MSANTD2: variants seen among roughly 807,000 people sequenced by gnomAD.
MSANTD2 encodes the protein myb/SANT-like DNA-binding domain-containing protein 2.
MSANTD2 carries 19 observed loss-of-function variants against 52.6 expected under a neutral mutation model. The ratio of observed to expected loss-of-function variants is 0.36; its 90% CI spans 0.25 to 0.53. The LOEUF (loss-of-function observed/expected upper bound fraction) is 0.53. Among genes scored for constraint, MSANTD2 ranks in the 20% least tolerant of loss-of-function variants. MSANTD2 has a pLI of 0.91. For synonymous variants in MSANTD2, 291 were observed against 289.7 expected, an observed-to-expected ratio of 1.00 and a Z score of -0.04; for missense variants, 558 against 716.3, an observed-to-expected ratio of 0.78 and a Z score of 2.52.
At chr11:124,789,875 A>T (rs1945274939) in intron 1 of MSANTD2, 1 of 152,362 alleles carries the variant, frequency 6.6e-6, no homozygotes, top group South Asian at 2.1e-4. Flanking sequence ...GCAATGGTAA[A>T]TATTAATAGC....
At position 124,779,762 on chromosome 11, in the gene MSANTD2, C is replaced by G. The variant is rs1447331100; in HGVS notation, c.511-4788G>C. On this transcript the variant is annotated intron_variant, in intron 1 of 3. Transcript: ENST00000374979. This position sits in a 1 kb window ranked among gnomAD's most constrained non-coding sequence, Gnocchi z 4.6. ...TTACATAGTTATCTTAATCCACTGC[C>G]AAGTACACATGATAAATTTGAGATT... Among the ~76,000 whole-genome samples, 2 of 152,158 alleles carry G rather than the reference C, an allele frequency of 1.3e-5. No homozygotes were observed. The highest frequency in any genetic ancestry group is 2.4e-5 in the African/African-American group (1 of 41,424).
chr11:124,800,307 G>T lies in MSANTD2; in HGVS notation c.74C>A (p.Pro25Gln). Residue 25 changes from proline (P) to glutamine (Q), a missense_variant, in exon 1 of 4, where the codon CCG becomes CAG. Physicochemically the swap from Pro to Gln is moderately conservative, Grantham distance 76. This residue lies in a region of MSANTD2 where 150 missense variants were observed against 142.7 expected (regional missense o/e 1.05). Coordinates refer to ENST00000374979, the MANE Select transcript of MSANTD2 (RefSeq NM_001308027.2). This position sits in a 1 kb window ranked among gnomAD's most constrained non-coding sequence, Gnocchi z 4.3. Reference protein sequence around the residue: ...LKIPKMEVLSPASPGGLSDGN... With the variant: ...LKIPKMEVLSQASPGGLSDGN... ...GTCGCTCAGGCCACCAGGAGAAGCC[G>T]GGGAAAGCACCTCCATCTTCGGAAT... The T allele has an allele frequency of 6.4e-7, 1 of 1,567,650 alleles. No homozygotes were observed.
At chr11:124,784,500 C>CA (rs1945094741) in intron 1 of MSANTD2, 8 of 983,822 alleles carry the variant, frequency 8.1e-6, no homozygotes, top group African/African-American at 5.3e-5. Context: ...CCCGCCACCT[C>CA]AAAAATCCGC....
At chr11:124,784,661 T>A in intron 1 of MSANTD2, 1 of 984,872 alleles carries the variant, frequency 1.0e-6, no homozygotes, top group East Asian at 1.1e-4. Context: ...ACCATGTGAT[T>A]CTCTCAGTTC....
chr11:124,772,868 T>A, intron 3 of MSANTD2, 126 bp downstream of exon 3: 3 of 666,298 alleles, frequency 4.5e-6, no homozygotes, highest in Admixed American at 2.7e-5. Context: ...ATCTAAAGAA[T>A]GAATAGACAT....
At chr11:124,789,118 T>C (rs1055225093) in intron 1 of MSANTD2, 1 of 152,138 alleles carries the variant, frequency 6.6e-6, no homozygotes, top group Non-Finnish European at 1.5e-5. Context: ...GGTGTATAGG[T>C]AGTGGAGATA....
rs376924705 is a variant in MSANTD2, at chr11:124,767,974, T to C, written c.882A>G (p.Lys294=). 1.1e-4 allele frequency: 175 copies of C among 1,613,874 alleles called. No individual in the cohort carries two copies. The highest frequency in any genetic ancestry group is 1.3e-4 in the Non-Finnish European group (157 of 1,179,908). ...CTGTCCAGCTCTGAAAAAGTTCCCA[T>C]TTCAACTGTACCGATTCCAAAATCT... is the stretch of plus-strand genomic sequence containing the variant. ...IVQILESVQL[K]WELFQSWTDF... Residue 294 remains lysine (K), a synonymous_variant, in exon 4 of 4, where the codon AAA becomes AAG. Transcript: ENST00000374979. The surrounding 1 kb of genome is among the most constrained non-coding windows in gnomAD (Gnocchi z 6.5).
intron 1 of MSANTD2, among the ~76,000 whole-genome samples, chr11:124,796,110 T>C (rs1384265870): frequency 6.6e-6 from 1 of 152,210 alleles, no homozygotes; most frequent in African/African-American, 2.4e-5. Context: ...TTAGACAGTA[T>C]TAAAAAGTAG....
In MSANTD2 at chr11:124,767,366, G is replaced by A. The variant is rs1426573008; in HGVS notation, c.1490C>T (p.Thr497Ile). 3 of 1,614,176 alleles carry A rather than the reference G, an allele frequency of 1.9e-6. No individual in the cohort carries two copies. Among genetic ancestry groups the A allele is most frequent in the East Asian group, 4.5e-5 (2 of 44,884 alleles). Residue 497 changes from threonine (T) to isoleucine (I), a missense_variant, in exon 4 of 4, where the codon ACC becomes ATC. Physicochemically the swap from Thr to Ile is moderately conservative, Grantham distance 89 (BLOSUM62 -1). Transcript: ENST00000374979. This position sits in a 1 kb window ranked among gnomAD's most constrained non-coding sequence, Gnocchi z 6.5. ...AACCCAATCTTTGCTGAAGGTTTTG[G>A]TATTCGCTTGGAAATGTAAAAATAA... ...QCLFLHFQANTKTFSKDWVGI... is the reference protein window; with the variant it reads ...QCLFLHFQANIKTFSKDWVGI...
At chr11:124,791,421 G>T in intron 1 of MSANTD2, 2 of 1,332,986 alleles carry the variant, frequency 1.5e-6, no homozygotes, top group South Asian at 2.4e-5. Context: ...TGTACAGGGT[G>T]AGTGAGAAGC....
At chr11:124,768,430 T>C (rs12279730) in intron 3 of MSANTD2, among the ~76,000 whole-genome samples, 8,070 of 152,290 alleles carry the variant, frequency 0.053, 341 homozygotes, top group African/African-American at 0.12. Flanking sequence ...ATGTCTATGA[T>C]GGCCTTCAGA....
At chr11:124,783,269 G>A (rs1017978402) in intron 1 of MSANTD2, among the ~76,000 whole-genome samples, 11 of 152,104 alleles carry the variant, frequency 7.2e-5, no homozygotes, top group Non-Finnish European at 1.6e-4. Context: ...CACTCACTTT[G>A]TGTTTATAAC....
intron 1 of MSANTD2, chr11:124,790,963 G>T (rs560111521): frequency 3.0e-6 from 1 of 330,916 alleles, no homozygotes; most frequent in South Asian, 3.3e-5. Context: ...TGATCTCACT[G>T]TATTATCTTC....
At chr11:124,772,907 A>C in intron 3 of MSANTD2, 87 bp downstream of exon 3, 1 of 864,944 alleles carries the variant, frequency 1.2e-6, no homozygotes, top group East Asian at 2.5e-5. Flanking sequence ...CGGAACTTTC[A>C]TAATATGTCT....
chr11:124,773,517 T>G (rs1458001035), intron 2 of MSANTD2: 1 of 155,344 alleles, frequency 6.4e-6, no homozygotes, highest in Non-Finnish European at 1.4e-5. Flanking sequence ...GCCAAAGTAA[T>G]TTAGACCTTA....
intron 1 of MSANTD2, chr11:124,790,755 C>A (rs12285008): frequency 0.041 from 6,468 of 157,030 alleles, 448 homozygotes; most frequent in African/African-American, 0.14. Flanking sequence ...TATCACCTGA[C>A]CTCTTGTTTA....
chr11:124,800,041 C>T lies in MSANTD2; in HGVS notation c.340G>A (p.Ala114Thr), dbSNP rs1445934208. The change falls in exon 1 of 4, where the codon GCA becomes ACA. Residue 114 changes from alanine (A) to threonine (T), a missense_variant. Coordinates refer to ENST00000374979, the MANE Select transcript of MSANTD2 (RefSeq NM_001308027.2). The surrounding 1 kb of genome is among the most constrained non-coding windows in gnomAD (Gnocchi z 4.3). ...ACCAGCCGCTCGTTGCCCCACACTG[C>T]GATGAGCGCGTTCGTCTCGGCTGGC... Reference protein sequence around the residue: ...WTPAETNALIAVWGNERLVEA... With the variant: ...WTPAETNALITVWGNERLVEA... 1.9e-6 allele frequency: 3 copies of T among 1,572,220 alleles called. No homozygotes were observed. Among genetic ancestry groups the T allele is most frequent in the Non-Finnish European group, 2.6e-6 (3 of 1,168,988 alleles).
intron 1 of MSANTD2, among the ~76,000 whole-genome samples, chr11:124,785,519 T>C (rs1436263510): frequency 6.6e-6 from 1 of 152,210 alleles, no homozygotes; most frequent in Non-Finnish European, 1.5e-5. Flanking sequence ...CCTTCAGAGT[T>C]ATACCGAATT....
chr11:124,788,303 C>G (rs1945225879), intron 1 of MSANTD2, among the ~76,000 whole-genome samples: 1 of 152,036 alleles, frequency 6.6e-6, no homozygotes, highest in African/African-American at 2.4e-5. Context: ...ATGAATAACC[C>G]ACATATGCTC....
Sources: gnomAD v4.1 joint callset for allele counts (sites outside exome capture counted in the v4.1 genomes callset) on GRCh38, gnomAD v4.1.1 for gene constraint, gnomAD v4.1.1 regional missense constraint, Gnocchi (gnomAD v3.1) non-coding constraint, MANE v1.5 for transcripts, NCBI Gene and HGNC (gene_info 2026-07-23, HGNC 2026-07-21) for gene names.